The following PCDH15 variants were observed in gnomAD, a reference collection of about 807,000 sequenced individuals.
The protein encoded by PCDH15 is protocadherin-15.
PCDH15 carries 129 observed loss-of-function variants against 178.5 expected under a neutral mutation model. That is an observed-to-expected ratio of 0.72 (90% CI 0.63 to 0.84). PCDH15 has a LOEUF of 0.84. PCDH15 is among the 40% of genes least tolerant of loss of function. The pLI is 0.00. For synonymous variants in PCDH15, 800 were observed against 732.0 expected (o/e 1.09, Z -1.50); for missense variants, 2,230 against 2,099.9 (o/e 1.06, Z -1.21).
In PCDH15 at chr10:53,866,783, T is replaced by C. The variant is rs769766203; in HGVS notation, c.3576A>G (p.Lys1192=). 2 of 1,613,476 alleles carry C rather than the reference T, an allele frequency of 1.2e-6. 1 individual carries two copies. Among genetic ancestry groups the C allele is most frequent in the Non-Finnish European group, 1.7e-6 (2 of 1,179,532 alleles). ...RLIIPPIKEG[K]EGFVVETYTG... ...TATATGTTTCCACTACAAATCCTTC[T>C]TTTCCCTCTTTAATTGGTGGTATTA... Residue 1192 remains lysine, a synonymous_variant, in exon 27 of 38, where the codon AAA becomes AAG. Coordinates refer to ENST00000644397, the MANE Select transcript of PCDH15 (RefSeq NM_001384140.1).
At chr10:53,976,280 G>A (rs2090175103) in intron 21 of PCDH15, among the ~76,000 whole-genome samples, 3 of 151,928 alleles carry the variant, frequency 2.0e-5, no homozygotes, top group Admixed American at 2.0e-4. Flanking sequence ...GGTAATGTGG[G>A]GTTCATTCAT....
At chr10:54,224,456 A>G (rs568183967) in intron 9 of PCDH15, among the ~76,000 whole-genome samples, 2 of 152,260 alleles carry the variant, frequency 1.3e-5, no homozygotes, top group South Asian at 2.1e-4. Context: ...TATAAACTCT[A>G]TTTAGCAAAG....
chr10:54,174,197 G>A (rs756932712), intron 13 of PCDH15, among the ~76,000 whole-genome samples: 6 of 152,010 alleles, frequency 3.9e-5, no homozygotes, highest in Admixed American at 6.6e-5. Context: ...ACTCATAGAA[G>A]GACATTTCAC....
At position 55,204,209 on chromosome 10, in the gene PCDH15, A is replaced by T. The variant is rs1840331641; in HGVS notation, c.-155-37558T>A. On this transcript the variant is annotated intron_variant, in intron 1 of 5. Transcript: ENST00000458638. ...TTTATTTTACATATTTAATATACTC[A>T]AGGGTTTTAAATATTTAATATATTC... Among the ~76,000 whole-genome samples the T allele has an allele frequency of 1.3e-5, 2 of 149,190 alleles. 1 individual carries two copies. Among genetic ancestry groups the T allele is most frequent in the South Asian group, 4.2e-4 (2 of 4,798 alleles).
intron 13 of PCDH15, among the ~76,000 whole-genome samples, chr10:54,156,158 A>G (rs2045118313): frequency 6.6e-6 from 1 of 152,130 alleles, no homozygotes; most frequent in South Asian, 2.1e-4. Flanking sequence ...ATTGTGAGCT[A>G]TTTGTTTTTT....
chr10:54,105,313 T>TACAC (rs1345230289), intron 15 of PCDH15, among the ~76,000 whole-genome samples: 3 of 75,892 alleles, frequency 4.0e-5, no homozygotes, highest in African/African-American at 7.4e-5. Flanking sequence ...TATATATATA[T>TACAC]ATATACACAC....
At chr10:55,110,465 TA>T (rs1401632859) in intron 2 of PCDH15, among the ~76,000 whole-genome samples, 1 of 152,120 alleles carries the variant, frequency 6.6e-6, no homozygotes, top group Non-Finnish European at 1.5e-5. Context: ...AAGTCTCACT[TA>T]ACCTGATTCT....
At chr10:54,665,141 GA>G (rs1177869365) in intron 1 of PCDH15, among the ~76,000 whole-genome samples, 1 of 151,692 alleles carries the variant, frequency 6.6e-6, no homozygotes, top group Non-Finnish European at 1.5e-5. Context: ...AGGACAAGCA[GA>G]CAAAGGAAAA....
At chr10:53,877,758 C>A in intron 26 of PCDH15, among the ~76,000 whole-genome samples, 1 of 152,178 alleles carries the variant, frequency 6.6e-6, no homozygotes, top group Non-Finnish European at 1.5e-5. Context: ...TCCTCCCCCT[C>A]GGTTTAATCT....
intron 13 of PCDH15, among the ~76,000 whole-genome samples, chr10:54,165,229 C>T (rs145288307): frequency 1.6e-4 from 25 of 152,190 alleles, no homozygotes; most frequent in Middle Eastern, 3.4e-3. Context: ...CCTTCTCTTA[C>T]GCATATCCTA....
intron 2 of PCDH15, among the ~76,000 whole-genome samples, chr10:55,603,218 A>G (rs2132148025): frequency 1.3e-5 from 2 of 152,162 alleles, no homozygotes; most frequent in Middle Eastern, 3.4e-3. Flanking sequence ...GAAACGAGCA[A>G]AGCCTCCAAG....
At chr10:54,242,187 TACACACACACACATACATAC>T (rs2055464799) in intron 8 of PCDH15, among the ~76,000 whole-genome samples, 2 of 76,796 alleles carry the variant, frequency 2.6e-5, no homozygotes, top group African/African-American at 1.1e-4. Context: ...TATATATATA[TACACACACACACATACATAC>T]ATACACATAA....
In PCDH15 at chr10:54,097,721, G is replaced by A. The variant is rs117385580; in HGVS notation, c.1918-7658C>T. Among the ~76,000 whole-genome samples the A allele has an allele frequency of 6.3e-3, 954 of 152,160 alleles. 6 individuals are homozygous for A. The highest frequency in any genetic ancestry group is 0.012 in the Non-Finnish European group (784 of 68,000). Reference sequence around the variant, plus strand: ...TCATTTGGTCCTTGCAAAGTTATAAGCCTTAATGATTACATTATAATGAGA... The same window carrying A: ...TCATTTGGTCCTTGCAAAGTTATAAACCTTAATGATTACATTATAATGAGA... On this transcript the variant is annotated intron_variant, in intron 15 of 37. Transcript: ENST00000644397.
At chr10:55,307,318 C>G (rs566103305) in intron 1 of PCDH15, among the ~76,000 whole-genome samples, 1 of 151,654 alleles carries the variant, frequency 6.6e-6, no homozygotes, top group Admixed American at 6.6e-5. Flanking sequence ...CTGGCTAACA[C>G]GTGAAACCCT....
chr10:53,936,197 G>A (rs1194643278), intron 25 of PCDH15, among the ~76,000 whole-genome samples: 1 of 152,136 alleles, frequency 6.6e-6, no homozygotes, highest in African/African-American at 2.4e-5. Context: ...GATTAAAAGA[G>A]ACTTAACAGA....
chr10:55,120,745 C>G (rs1837745394), intron 2 of PCDH15, among the ~76,000 whole-genome samples: 1 of 152,152 alleles, frequency 6.6e-6, no homozygotes, highest in Non-Finnish European at 1.5e-5. Context: ...GTGCAGTGCT[C>G]TTTGGTCTCC....
At chr10:55,222,169 C>T (rs1840896134) in intron 1 of PCDH15, among the ~76,000 whole-genome samples, 2 of 151,980 alleles carry the variant, frequency 1.3e-5, no homozygotes, top group East Asian at 3.9e-4. Context: ...GCCACCGCGC[C>T]CAGCCTATAT....
At chr10:54,543,610 T>G (rs2085510128) in intron 2 of PCDH15, among the ~76,000 whole-genome samples, 1 of 152,158 alleles carries the variant, frequency 6.6e-6, no homozygotes, top group Non-Finnish European at 1.5e-5. Flanking sequence ...TTTCATGTAA[T>G]GAACTGGCCT....
intron 2 of PCDH15, among the ~76,000 whole-genome samples, chr10:55,114,086 C>G (rs995882804): frequency 2.0e-5 from 3 of 151,984 alleles, no homozygotes. Flanking sequence ...GTAGCTGGGA[C>G]TACAGGCACC....
Sources: gnomAD v4.1 joint callset for allele counts (sites outside exome capture counted in the v4.1 genomes callset) on GRCh38, gnomAD v4.1.1 for gene constraint, MANE v1.5 for transcripts, NCBI Gene and HGNC (gene_info 2026-07-23, HGNC 2026-07-21) for gene names.